The following SOBP variants were observed in gnomAD, a reference collection of about 807,000 sequenced individuals.
SOBP encodes sine oculis-binding protein homolog.
In SOBP, 4 loss-of-function variants were observed where a neutral mutation model predicts 53.6. The ratio of observed to expected loss-of-function variants is 0.07; its 90% CI spans 0.04 to 0.17. The LOEUF is 0.17. SOBP is among the 10% of genes least tolerant of loss of function. The probability of loss-of-function intolerance (pLI) is 1.00; values close to 1 mark genes in which losing one functional copy is unlikely to be tolerated. For missense variants in SOBP, 1,088 were observed against 1,204.7 expected, an observed-to-expected ratio of 0.90 and a Z score of 1.43; for synonymous variants, 584 against 522.6, an observed-to-expected ratio of 1.12 and a Z score of -1.60.
chr6:107,643,054 A>G (rs1034091901), intron 6 of SOBP, among the ~76,000 whole-genome samples: 3 of 152,224 alleles, frequency 2.0e-5, no homozygotes, highest in African/African-American at 7.2e-5. Context: ...GAACCAACCT[A>G]CAATAACAAA....
chr6:107,503,472 A>G (rs1301184255), intron 1 of SOBP, among the ~76,000 whole-genome samples, 185 bp from the exon 2 acceptor site: 2 of 152,210 alleles, frequency 1.3e-5, no homozygotes, highest in African/African-American at 4.8e-5. Context: ...TCATAATTGA[A>G]TGCATCATCC....
chr6:107,641,132 A>G (rs1771292950), intron 6 of SOBP, among the ~76,000 whole-genome samples: 1 of 152,198 alleles, frequency 6.6e-6, no homozygotes, highest in South Asian at 2.1e-4. Context: ...CTGAGTTGAA[A>G]TTTTTCTTGT....
intron 5 of SOBP, among the ~76,000 whole-genome samples, chr6:107,589,729 A>G (rs1410205424): frequency 6.6e-6 from 1 of 152,198 alleles, no homozygotes; most frequent in East Asian, 1.9e-4. Context: ...AATTTTGAAA[A>G]TGAAAGGCTG....
chr6:107,607,237 A>C (rs1372869766), intron 5 of SOBP, among the ~76,000 whole-genome samples: 1 of 152,214 alleles, frequency 6.6e-6, no homozygotes, highest in Non-Finnish European at 1.5e-5. Flanking sequence ...CAGCAGAACA[A>C]ACATTGGTCA....
At position 107,505,771 on chromosome 6, in the gene SOBP, C is replaced by T. The variant is rs1272607999; in HGVS notation, c.236-471C>T. 2.6e-5 allele frequency among the ~76,000 whole-genome samples: 4 copies of T among 152,132 alleles called. No individual in the cohort carries two copies. The East Asian group carries it at 5.8e-4, about 22-fold the overall frequency. ...ATTCAAGTGATTCTCTTGTCTCAGC[C>T]TCCCGAGTAGCTGGGACTACAGGCA... is the stretch of plus-strand genomic sequence containing the variant. On this transcript the variant is annotated intron_variant, in intron 2 of 6. Coordinates refer to ENST00000317357, the MANE Select transcript of SOBP (RefSeq NM_018013.4).
intron 6 of SOBP, among the ~76,000 whole-genome samples, chr6:107,653,622 A>G (rs1474106465): frequency 6.6e-6 from 1 of 152,230 alleles, no homozygotes; most frequent in Non-Finnish European, 1.5e-5. Context: ...TGAGGAAGAC[A>G]GGACAGACCT....
At chr6:107,580,482 A>G (rs1174820432) in intron 4 of SOBP, among the ~76,000 whole-genome samples, 3 of 152,234 alleles carry the variant, frequency 2.0e-5, no homozygotes, top group Non-Finnish European at 2.9e-5. Context: ...AAGGGACTTC[A>G]TACATAATGC....
At chr6:107,641,860 G>A (rs894146099) in intron 6 of SOBP, among the ~76,000 whole-genome samples, 5 of 152,156 alleles carry the variant, frequency 3.3e-5, no homozygotes, top group Admixed American at 2.0e-4. Flanking sequence ...ACCCTCACCC[G>A]AACGCCCCGC....
rs111600306 is a variant in SOBP, at chr6:107,518,417, T to C, written c.421+11990T>C. On this transcript the variant is annotated intron_variant, in intron 3 of 6. Transcript: ENST00000317357. ...AGAGTGTAAATACATGTAACCACTA[T>C]TGAAAGCTGATTGGCAATATCTATT... is the stretch of plus-strand genomic sequence containing the variant. Among the ~76,000 whole-genome samples, 1,279 of 152,292 alleles carry C rather than the reference T, an allele frequency of 8.4e-3. 24 individuals are homozygous for C. Among genetic ancestry groups the C allele is most frequent in the African/African-American group, 0.026 (1,080 of 41,552 alleles).
chr6:107,638,820 G>A (rs1366801304), intron 6 of SOBP, among the ~76,000 whole-genome samples: 1 of 151,986 alleles, frequency 6.6e-6, no homozygotes, highest in Non-Finnish European at 1.5e-5. Flanking sequence ...AGGATAATCT[G>A]TCAATAACTT....
At chr6:107,533,702 A>T (rs1783912134) in intron 4 of SOBP, 92 bp downstream of exon 4, 28 of 1,480,812 alleles carry the variant, frequency 1.9e-5, no homozygotes, top group Non-Finnish European at 2.6e-5. Flanking sequence ...AACACTGCGC[A>T]CCTTTTACTT....
intron 3 of SOBP, among the ~76,000 whole-genome samples, chr6:107,523,725 G>A (rs1028380515): frequency 1.3e-5 from 2 of 152,242 alleles, no homozygotes; most frequent in Admixed American, 1.3e-4. Context: ...CTCCCCTCCA[G>A]TGGAGATGCT....
chr6:107,571,840 A>G (rs4513841), intron 4 of SOBP, among the ~76,000 whole-genome samples: 80,234 of 152,040 alleles, frequency 0.53, 22,792 homozygotes, highest in East Asian at 0.89. Flanking sequence ...TATCTTTGTA[A>G]GCATCAGATT....
At chr6:107,590,557 G>A (rs1241309390) in intron 5 of SOBP, among the ~76,000 whole-genome samples, 2 of 152,286 alleles carry the variant, frequency 1.3e-5, no homozygotes, top group Admixed American at 6.5e-5. Flanking sequence ...CCTAGACAAC[G>A]TCTGAATCCC....
chr6:107,535,211 A>C lies in SOBP; in HGVS notation c.573+1601A>C, dbSNP rs147939462. On this transcript the variant is annotated intron_variant, in intron 4 of 6. Transcript: ENST00000317357. ...GTATTTTATAGTGAGCCTTTGAAGA[A>C]AGACACCTGATTCCATTTGGAAAAA... 5.3e-3 allele frequency among the ~76,000 whole-genome samples: 802 copies of C among 152,320 alleles called. 7 individuals are homozygous for C. Among genetic ancestry groups the C allele is most frequent in the African/African-American group, 0.018 (760 of 41,570 alleles).
chr6:107,580,577 C>G (rs768287719), intron 4 of SOBP, among the ~76,000 whole-genome samples: 3 of 152,128 alleles, frequency 2.0e-5, no homozygotes, highest in Non-Finnish European at 4.4e-5. Context: ...AGACCTGGGA[C>G]TCTAGGAGAA....
intron 4 of SOBP, among the ~76,000 whole-genome samples, chr6:107,550,336 G>A (rs1034743272): frequency 2.6e-5 from 4 of 152,224 alleles, no homozygotes; most frequent in African/African-American, 9.6e-5. Flanking sequence ...CATCTGAGAC[G>A]TGGTTTCTGC....
rs1317932782 is a variant in SOBP at position 107,490,645 on chromosome 6, C to T, written c.29C>T (p.Pro10Leu). 4 of 1,607,890 alleles carry T rather than the reference C, an allele frequency of 2.5e-6. No homozygotes were observed. The highest frequency in any genetic ancestry group is 1.7e-6 in the Non-Finnish European group (2 of 1,176,758). The stretch of plus-strand genomic sequence containing the variant: ...GCAGAAATGGAGAAAGAAGGGAGAC[C>T]TCCCGAAAATAAACGGAGCAGGAAG... The part of the protein sequence containing the change: MAEMEKEGR[P>L]PENKRSRKPA... The change falls in exon 1 of 7, where the codon CCT (proline) becomes CTT (leucine). Residue 10 changes from proline to leucine, a missense_variant. By Grantham distance (98) the Pro-to-Leu change is moderately conservative. This residue lies in a region of SOBP where 37 missense variants were observed against 37.8 expected (regional missense o/e 0.98). Coordinates refer to ENST00000317357, the MANE Select transcript of SOBP (RefSeq NM_018013.4).
chr6:107,600,287 T>TACGC (rs1290189846), intron 5 of SOBP, among the ~76,000 whole-genome samples: 2 of 152,206 alleles, frequency 1.3e-5, no homozygotes, highest in Non-Finnish European at 2.9e-5. Context: ...CATACCTCCT[T>TACGC]ACGTGCCGCG....
Sources: allele counts gnomAD v4.1 joint callset (sites outside exome capture counted in the v4.1 genomes callset), GRCh38; gene constraint gnomAD v4.1.1; regional missense constraint gnomAD v4.1.1; transcripts MANE v1.5; gene names NCBI Gene and HGNC (gene_info 2026-07-23, HGNC 2026-07-21).